Variants in CLIP1 observed in about 807,000 individuals in gnomAD.
CLIP1 encodes the protein CAP-Gly domain containing linker protein 1.
CLIP1 carries 66 observed loss-of-function variants against 161.6 expected under a neutral mutation model. The ratio of observed to expected loss-of-function variants is 0.41; its 90% CI spans 0.33 to 0.50. The LOEUF (loss-of-function observed/expected upper bound fraction) is 0.50, where lower values mean the gene tolerates loss of function less well. Among genes scored for constraint, CLIP1 ranks in the 20% least tolerant of loss-of-function variants. The pLI is 0.27. For synonymous variants in CLIP1, 598 were observed against 626.2 expected (o/e 0.96, Z 0.67); for missense variants, 1,376 against 1,702.0 (o/e 0.81, Z 3.37).
Position 122,331,021 on chromosome 12 carries a change from A to AT in CLIP1, c.2867+1965dup, listed in dbSNP as rs536085886. On this transcript the variant is annotated intron_variant, in intron 15 of 25. Coordinates refer to ENST00000620786, the MANE Select transcript of CLIP1 (RefSeq NM_001247997.2). Reference sequence around the variant, plus strand: ...CTCCCTTCCTTTTTATTATTTATTTATTTTTTTTTTGAGACGGAGTTTCAC... The same window carrying AT: ...CTCCCTTCCTTTTTATTATTTATTTATTTTTTTTTTTGAGACGGAGTTTCAC... Among the ~76,000 whole-genome samples the AT allele has an allele frequency of 1.2e-3, 178 of 144,650 alleles. 1 individual carries two copies. The highest frequency in any genetic ancestry group is 7.4e-3 in the South Asian group (34 of 4,598). The allele number at this position is 144,650 out of a possible 152,430, so 94.9% of individuals were successfully genotyped here.
At chr12:122,402,070 A>G (rs1956162287) in intron 1 of CLIP1, among the ~76,000 whole-genome samples, 1 of 152,164 alleles carries the variant, frequency 6.6e-6, no homozygotes, top group Non-Finnish European at 1.5e-5. Context: ...CTAGACCAGC[A>G]CTGTCCAGTA....
At chr12:122,278,325 A>G (rs1448107841) in intron 23 of CLIP1, 122 bp from the exon 24 acceptor site, 1 of 871,018 alleles carries the variant, frequency 1.1e-6, no homozygotes, top group African/African-American at 1.7e-5. Context: ...TGGACTTCCC[A>G]GATGCACCAC....
At chr12:122,404,003 C>G (rs1036608982) in intron 1 of CLIP1, among the ~76,000 whole-genome samples, 1 of 152,180 alleles carries the variant, frequency 6.6e-6, no homozygotes, top group East Asian at 1.9e-4. Context: ...AACCACAGGG[C>G]ATGAAGGCAG....
At chr12:122,420,453 T>C (rs1956902947) in intron 1 of CLIP1, among the ~76,000 whole-genome samples, 1 of 152,062 alleles carries the variant, frequency 6.6e-6, no homozygotes, top group South Asian at 2.1e-4. Flanking sequence ...AAGCAATGAT[T>C]GAAAAAATAG....
chr12:122,332,856 T>A, intron 15 of CLIP1, 131 bp downstream of exon 15: 1 of 668,248 alleles, frequency 1.5e-6, no homozygotes, highest in South Asian at 2.2e-5. Flanking sequence ...CACAATGAGG[T>A]AATAACAGAA....
intron 4 of CLIP1, among the ~76,000 whole-genome samples, chr12:122,362,964 T>G (rs909429172): frequency 6.6e-6 from 1 of 152,162 alleles, no homozygotes; most frequent in Admixed American, 6.5e-5. Context: ...AATTACTGTA[T>G]CTGGTAGATA....
chr12:122,280,896 C>A (rs1455352938), intron 21 of CLIP1: 1 of 152,156 alleles, frequency 6.6e-6, no homozygotes, highest in Non-Finnish European at 1.5e-5. Context: ...TAACAAGAAG[C>A]CAAATCACAC....
At chr12:122,286,857 G>C (rs1381776322) in intron 21 of CLIP1, among the ~76,000 whole-genome samples, 1 of 152,106 alleles carries the variant, frequency 6.6e-6, no homozygotes. Context: ...ATTTAGCCGG[G>C]TGTGGTGTCA....
chr12:122,351,480 A>G (rs1953035588), intron 8 of CLIP1, among the ~76,000 whole-genome samples: 1 of 152,248 alleles, frequency 6.6e-6, no homozygotes, highest in Non-Finnish European at 1.5e-5. Flanking sequence ...TTAATGAACC[A>G]TTAAATTCTG....
chr12:122,410,092 G>A (rs536218113), intron 1 of CLIP1, among the ~76,000 whole-genome samples: 1 of 151,516 alleles, frequency 6.6e-6, no homozygotes, highest in Admixed American at 6.6e-5. Context: ...GGCTAGTCTT[G>A]AACTCCTGGC....
Position 122,326,302 on chromosome 12 carries a change from G to A in CLIP1, c.3249+1645C>T, listed in dbSNP as rs143675907. On this transcript the variant is annotated intron_variant, in intron 17 of 25. Transcript: ENST00000620786. ...TGCAATCCCAGCACCTTGTGAGACT[G>A]GCCAGGAATGGTGGCTCACGCCTGC... Among the ~76,000 whole-genome samples, 679 of 152,222 alleles carry A rather than the reference G, an allele frequency of 4.5e-3. 3 individuals carry two copies. Among genetic ancestry groups the A allele is most frequent in the African/African-American group, 0.015 (622 of 41,536 alleles).
intron 1 of CLIP1, among the ~76,000 whole-genome samples, chr12:122,405,652 G>C (rs1956303974): frequency 6.6e-6 from 1 of 151,600 alleles, no homozygotes; most frequent in African/African-American, 2.4e-5. Flanking sequence ...GCCAGGTGTG[G>C]TGGTACACAC....
chr12:122,397,747 C>T (rs1390428928), intron 1 of CLIP1, among the ~76,000 whole-genome samples: 2 of 150,496 alleles, frequency 1.3e-5, no homozygotes, highest in Non-Finnish European at 3.0e-5. Context: ...GTCAGGAGTT[C>T]GAGACCAGCC....
At chr12:122,358,659 A>G (rs1276630690) in intron 5 of CLIP1, among the ~76,000 whole-genome samples, 1 of 152,048 alleles carries the variant, frequency 6.6e-6, no homozygotes, top group Non-Finnish European at 1.5e-5. Context: ...ATTGTTTGAT[A>G]AAATGTAAGA....
At chr12:122,387,009 G>A (rs999887484) in intron 1 of CLIP1, among the ~76,000 whole-genome samples, 2 of 151,990 alleles carry the variant, frequency 1.3e-5, no homozygotes, top group South Asian at 2.1e-4. Context: ...TCCCACCTTC[G>A]CCTCCCATGT....
chr12:122,325,560 C>T (rs1245179024), intron 17 of CLIP1, among the ~76,000 whole-genome samples: 1 of 152,190 alleles, frequency 6.6e-6, no homozygotes, highest in African/African-American at 2.4e-5. Flanking sequence ...CGGCTCACTG[C>T]AACCTCTGCC....
chr12:122,356,784 C>G (rs971192449), intron 5 of CLIP1, among the ~76,000 whole-genome samples: 1 of 152,212 alleles, frequency 6.6e-6, no homozygotes, highest in African/African-American at 2.4e-5. Context: ...ATTGCAGGCG[C>G]GCGCCGCCAC....
At chr12:122,362,714 A>C (rs1317831072) in intron 4 of CLIP1, among the ~76,000 whole-genome samples, 2 of 4,620 alleles carry the variant, frequency 4.3e-4, no homozygotes, top group South Asian at 0.021. Flanking sequence ...AAAATATGAT[A>C]AAAAAAAAAA....
chr12:122,383,553 C>G (rs149607143), intron 1 of CLIP1, among the ~76,000 whole-genome samples: 2 of 152,160 alleles, frequency 1.3e-5, no homozygotes, highest in Non-Finnish European at 2.9e-5. Context: ...TGAATCCTAA[C>G]GCGGAGAACT....
Sources: gnomAD v4.1 joint callset for allele counts (sites outside exome capture counted in the v4.1 genomes callset) on GRCh38, gnomAD v4.1.1 for gene constraint, MANE v1.5 for transcripts, NCBI Gene and HGNC (gene_info 2026-07-23, HGNC 2026-07-21) for gene names.